USP34: variants seen among roughly 807,000 people sequenced by gnomAD.
USP34 encodes the protein ubiquitin carboxyl-terminal hydrolase 34.
A neutral mutation model predicts 460.3 loss-of-function variants in USP34; 70 were observed. The observed-to-expected ratio is 0.15, with a 90% CI of 0.13 to 0.19. USP34 has a LOEUF of 0.19. Among genes scored for constraint, USP34 ranks in the 10% least tolerant of loss-of-function variants. The probability of loss-of-function intolerance (pLI) is 1.00; values close to 1 mark genes in which losing one functional copy is unlikely to be tolerated. For missense variants in USP34, 3,985 were observed against 4,236.2 expected, an observed-to-expected ratio of 0.94 and a Z score of 1.65; for synonymous variants, 1,647 against 1,405.3, an observed-to-expected ratio of 1.17 and a Z score of -3.85.
intron 52 of USP34, 43 bp from the exon 53 acceptor site, chr2:61,241,698 T>TAA: frequency 6.5e-7 from 1 of 1,536,198 alleles, no homozygotes; most frequent in Non-Finnish European, 8.8e-7. Context: ...TTTGACAAAG[T>TAA]ATTACTCTAA....
intron 44 of USP34, 29 bp from the exon 45 acceptor site, chr2:61,257,379 T>A: frequency 6.5e-7 from 1 of 1,530,930 alleles, no homozygotes; most frequent in Non-Finnish European, 8.7e-7. Flanking sequence ...ACATTCTAAG[T>A]GTCAGATAAA....
intron 2 of USP34, among the ~76,000 whole-genome samples, chr2:61,411,000 C>A (rs1025849530): frequency 1.3e-5 from 2 of 151,838 alleles, no homozygotes; most frequent in Non-Finnish European, 2.9e-5. Flanking sequence ...CTAAAAAAAA[C>A]AAAATATTAT....
At chr2:61,215,786 A>G (rs568479330) in intron 67 of USP34, among the ~76,000 whole-genome samples, 1 of 152,334 alleles carries the variant, frequency 6.6e-6, no homozygotes, top group South Asian at 2.1e-4. Context: ...AATGTATACT[A>G]TTTGACGTCA....
intron 67 of USP34, chr2:61,220,056 T>A (rs1475011736): frequency 1.2e-5 from 4 of 324,900 alleles, no homozygotes; most frequent in African/African-American, 2.2e-5. Context: ...ATTCCCTTCA[T>A]TACTGCTGAT....
At chr2:61,256,156 T>G (rs975970642) in intron 48 of USP34, among the ~76,000 whole-genome samples, 6 of 152,202 alleles carry the variant, frequency 3.9e-5, no homozygotes, top group African/African-American at 1.4e-4. Context: ...CCAAAATCTA[T>G]ACTGTTTCAA....
chr2:61,397,693 G>A (rs551194249), intron 3 of USP34, among the ~76,000 whole-genome samples: 1 of 152,132 alleles, frequency 6.6e-6, no homozygotes, highest in East Asian at 2.0e-4. Context: ...GATGTCAGGA[G>A]ATCAAGACCA....
rs1276038626 is a variant in USP34 at position 61,190,430 on chromosome 2, T to C, written c.9730-16A>G. On this transcript the variant is annotated splice_polypyrimidine_tract_variant and intron_variant, in intron 77 of 79. Coordinates refer to ENST00000398571, the MANE Select transcript of USP34 (RefSeq NM_014709.4). The stretch of plus-strand genomic sequence containing the variant: ...GACTTTGAACCTGAAAAAGAAGATT[T>C]AAAAAAATCTCCAAAAGACCAGCAT... The C allele has an allele frequency of 3.1e-6, 5 of 1,597,120 alleles. No individual in the cohort carries two copies. In the East Asian group the frequency reaches 8.9e-5, roughly 29 times the overall value.
intron 12 of USP34, among the ~76,000 whole-genome samples, chr2:61,349,726 A>G (rs1260511241): frequency 6.6e-6 from 1 of 152,058 alleles, no homozygotes; most frequent in East Asian, 1.9e-4. Flanking sequence ...CTGTAGTCCC[A>G]GCTACTCGGG....
intron 10 of USP34, among the ~76,000 whole-genome samples, chr2:61,369,983 TAAAAAA>T (rs35212285): frequency 7.8e-6 from 1 of 127,764 alleles, no homozygotes; most frequent in African/African-American, 2.9e-5. Context: ...TATGCCTATT[TAAAAAA>T]AAAAAAAAAA....
In USP34 at chr2:61,188,423, G is replaced by A. The variant is rs774971871; in HGVS notation, c.10320C>T (p.Asn3440=). 6.2e-7 allele frequency: 1 copy of A among 1,614,202 alleles called. No homozygotes were observed. The highest frequency in any genetic ancestry group is 1.1e-5 in the South Asian group (1 of 91,082). Residue 3440 remains asparagine, a synonymous_variant, in exon 80 of 80, where the codon AAC becomes AAT. Coordinates refer to ENST00000398571, the MANE Select transcript of USP34 (RefSeq NM_014709.4). ...IRSQHAEEQS[N]NGRYDDCKEF... is the part of the protein sequence containing the mutation. The stretch of plus-strand genomic sequence containing the variant: ...CTTTACAATCGTCATATCTACCATT[G>A]TTGGACTGTTCTTCTGCATGCTGTG...
At chr2:61,247,955 T>C (rs562395566) in intron 49 of USP34, among the ~76,000 whole-genome samples, 1 of 152,120 alleles carries the variant, frequency 6.6e-6, no homozygotes, top group East Asian at 1.9e-4. Flanking sequence ...AGGAGGCCAA[T>C]GCAGGTGGAT....
At chr2:61,445,914 C>G (rs1695101562) in intron 1 of USP34, among the ~76,000 whole-genome samples, 1 of 151,764 alleles carries the variant, frequency 6.6e-6, no homozygotes, top group Non-Finnish European at 1.5e-5. Flanking sequence ...TGCCACTGCA[C>G]TCCAGCCTGG....
chr2:61,270,626 G>C (rs372101870), intron 41 of USP34, among the ~76,000 whole-genome samples: 5 of 152,006 alleles, frequency 3.3e-5, no homozygotes, highest in African/African-American at 1.2e-4. Context: ...AGTAGAGACT[G>C]GGTTTCACCA....
chr2:61,301,950 A>C (rs1690239626), intron 27 of USP34, among the ~76,000 whole-genome samples: 1 of 152,116 alleles, frequency 6.6e-6, no homozygotes. Context: ...GAGGAGAAAA[A>C]AGAGAGGGAA....
chr2:61,341,034 T>C (rs1691583232), intron 16 of USP34, among the ~76,000 whole-genome samples: 1 of 152,292 alleles, frequency 6.6e-6, no homozygotes. Context: ...TGAGGAGCTT[T>C]CTTTCCTTAC....
At chr2:61,391,235 C>T (rs1693336180) in intron 5 of USP34, among the ~76,000 whole-genome samples, 2 of 152,126 alleles carry the variant, frequency 1.3e-5, no homozygotes, top group African/African-American at 4.8e-5. Context: ...CATTTGAGCC[C>T]AGGAGTTCAA....
intron 5 of USP34, among the ~76,000 whole-genome samples, chr2:61,391,539 T>C (rs1693346676): frequency 6.6e-6 from 1 of 152,188 alleles, no homozygotes; most frequent in African/African-American, 2.4e-5. Context: ...TGCCCTAAAA[T>C]CTAATACTAT....
At chr2:61,319,145 A>G (rs772124602) in intron 22 of USP34, 28 bp downstream of exon 22, 26 of 1,528,052 alleles carry the variant, frequency 1.7e-5, no homozygotes, top group Non-Finnish European at 2.3e-5. Flanking sequence ...ATGGAAAAAT[A>G]ATAACAAACT....
chr2:61,457,269 T>C (rs1212317448), intron 1 of USP34, among the ~76,000 whole-genome samples: 1 of 152,120 alleles, frequency 6.6e-6, no homozygotes, highest in African/African-American at 2.4e-5. Context: ...GAGCAAGACC[T>C]GTCAAATAAA....
Sources: gnomAD v4.1 joint callset for allele counts (sites outside exome capture counted in the v4.1 genomes callset) on GRCh38, gnomAD v4.1.1 for gene constraint, MANE v1.5 for transcripts, NCBI Gene and HGNC (gene_info 2026-07-23, HGNC 2026-07-21) for gene names.